DIAPH2: variants seen among roughly 807,000 people sequenced by gnomAD.
The protein encoded by DIAPH2 is diaphanous related formin 2.
Under a neutral mutation model 92.7 loss-of-function variants are expected in DIAPH2, and 35 were observed. That is an observed-to-expected ratio of 0.38 (90% CI 0.29 to 0.50). The LOEUF (loss-of-function observed/expected upper bound fraction) is 0.50, where lower values mean the gene tolerates loss of function less well. Among genes scored for constraint, DIAPH2 ranks in the 20% least tolerant of loss-of-function variants. The pLI, the probability that DIAPH2 is intolerant of heterozygous loss-of-function variation, is 0.94. For missense variants in DIAPH2, 701 were observed against 819.5 expected, an observed-to-expected ratio of 0.86 and a Z score of 1.77; for synonymous variants, 301 against 280.4, an observed-to-expected ratio of 1.07 and a Z score of -0.73.
intron 24 of DIAPH2, among the ~76,000 whole-genome samples, chrX:97,375,667 A>G (rs1306742502): frequency 8.9e-6 from 1 of 111,949 alleles, no homozygotes; most frequent in Non-Finnish European, 1.9e-5. Context: ...GGACAGGGAA[A>G]GGAAACTGCT....
intron 23 of DIAPH2, among the ~76,000 whole-genome samples, chrX:97,302,020 C>T (rs1276240146): frequency 9.5e-6 from 1 of 105,446 alleles, no homozygotes; most frequent in African/African-American, 3.5e-5. Context: ...CGAGAACATC[C>T]TGGTCAACAT....
At chrX:97,596,828 A>G (rs2071555187) in intron 26 of DIAPH2, among the ~76,000 whole-genome samples, 1 of 112,188 alleles carries the variant, frequency 8.9e-6, no homozygotes, top group African/African-American at 3.2e-5. Context: ...TCTCTGCTTA[A>G]AAAACATGAC....
In DIAPH2 at chrX:96,916,577, A is replaced by G; in HGVS notation, c.869+3A>G. ...TGCATTGTTGGAGAAGAGAACATGTAAGTATTGCTATATTATTATATTTGC... is the reference window on the plus strand; with the variant it reads ...TGCATTGTTGGAGAAGAGAACATGTGAGTATTGCTATATTATTATATTTGC... On this transcript the variant is annotated splice_donor_region_variant and intron_variant, in intron 8 of 26. Transcript: ENST00000324765. 8.4e-7 allele frequency: 1 copy of G among 1,193,489 alleles called. No homozygotes were observed. Among genetic ancestry groups the G allele is most frequent in the Middle Eastern group, 2.3e-4 (1 of 4,270 alleles).
At chrX:97,286,736 AACTCTGAGACTACAGAG>A (rs1340837968) in intron 23 of DIAPH2, among the ~76,000 whole-genome samples, 1 of 110,616 alleles carries the variant, frequency 9.0e-6, no homozygotes, top group Non-Finnish European at 1.9e-5. Context: ...TGCCCTGAAA[AACTCTGAGACTACAGAG>A]ATCGAATCCT....
At chrX:97,279,409 T>G (rs1025976761) in intron 23 of DIAPH2, among the ~76,000 whole-genome samples, 2 of 107,079 alleles carry the variant, frequency 1.9e-5, no homozygotes, top group African/African-American at 6.8e-5. Context: ...AGTGGGGCGA[T>G]TCTTCTGCCT....
At chrX:97,347,085 CTT>C (rs763682802) in intron 23 of DIAPH2, among the ~76,000 whole-genome samples, 12 of 91,244 alleles carry the variant, frequency 1.3e-4, no homozygotes, top group Admixed American at 3.7e-4. Context: ...ACTATAACCT[CTT>C]TTTTTTTTTT....
intron 26 of DIAPH2, 41 bp from the exon 27 acceptor site, chrX:97,599,212 A>AACTT: frequency 1.9e-6 from 2 of 1,059,162 alleles, no homozygotes; most frequent in Non-Finnish European, 2.6e-6. Flanking sequence ...AAAGATCTAA[A>AACTT]ACTTACCATG....
At chrX:97,018,984 G>A (rs1470709079) in intron 17 of DIAPH2, among the ~76,000 whole-genome samples, 1 of 111,264 alleles carries the variant, frequency 9.0e-6, no homozygotes, top group Non-Finnish European at 1.9e-5. Flanking sequence ...AAATCTTTCC[G>A]GATTCTTTCA....
chrX:97,280,666 A>G (rs192017109), intron 23 of DIAPH2, among the ~76,000 whole-genome samples: 1 of 111,162 alleles, frequency 9.0e-6, no homozygotes, highest in Non-Finnish European at 1.9e-5. Flanking sequence ...TAGATATTAC[A>G]CTGTTTCTCC....
At position 96,773,325 on chromosome X, in the gene DIAPH2, TGTTAA is replaced by T. The variant is rs2064353307; in HGVS notation, c.447+15073_447+15077del. Among the ~76,000 whole-genome samples, 4 of 92,019 alleles carry T rather than the reference TGTTAA, an allele frequency of 4.3e-5. No homozygotes were observed. The Admixed American group carries it at 5.8e-4, about 13-fold the overall frequency. 79.9% of individuals were successfully genotyped at this position (92,019 alleles called of 115,157 possible). ...GTGTTTAGAGATAGGGCTTTTAAAG[TGTTAA>T]GTTAAAAAAAAAAAGATGCCTTTAG... is the stretch of plus-strand genomic sequence containing the variant. On this transcript the variant is annotated intron_variant, in intron 4 of 26. Coordinates refer to ENST00000324765, the MANE Select transcript of DIAPH2 (RefSeq NM_006729.5).
chrX:96,958,028 A>C lies in DIAPH2; in HGVS notation c.1815A>C (p.Pro605=). The change falls in exon 16 of 27, where the codon CCA becomes CCC. Residue 605 remains proline (P), a synonymous_variant. Transcript: ENST00000324765. ...PPPLLFGGPP[P]PPPLGGVPPP... is the part of the protein sequence containing the mutation. ...CACTTTTATTTGGGGGACCTCCTCC[A>C]CCACCACCCCTTGGAGGAGTTCCTC... The C allele has an allele frequency of 1.7e-6, 2 of 1,211,315 alleles. No homozygotes were observed. Among genetic ancestry groups the C allele is most frequent in the Non-Finnish European group, 2.2e-6 (2 of 895,302 alleles).
intron 15 of DIAPH2, among the ~76,000 whole-genome samples, chrX:96,954,808 A>G (rs2065799808): frequency 8.9e-6 from 1 of 112,300 alleles, no homozygotes. Flanking sequence ...TTACTATGGA[A>G]ATGGATGCTA....
chrX:96,990,362 T>A (rs998529445), intron 17 of DIAPH2, among the ~76,000 whole-genome samples: 15 of 111,898 alleles, frequency 1.3e-4, no homozygotes, highest in African/African-American at 4.9e-4. Flanking sequence ...GTTCTACTTG[T>A]CAAGCTGTGT....
In DIAPH2 at chrX:97,221,517, T is replaced by C. The variant is rs1236763784; in HGVS notation, c.2720-26198T>C. Among the ~76,000 whole-genome samples the C allele has an allele frequency of 5.4e-5, 6 of 112,033 alleles. No individual in the cohort carries two copies. The Admixed American group carries it at 5.7e-4, about 11-fold the overall frequency. On this transcript the variant is annotated intron_variant, in intron 22 of 26. Coordinates refer to ENST00000324765, the MANE Select transcript of DIAPH2 (RefSeq NM_006729.5). ...TGCAGCTAAATAAGATTATATATAA[T>C]TTTCCAAATCTTCGGAGAGTCCAGC...
chrX:97,537,450 G>A (rs138457296), intron 26 of DIAPH2, among the ~76,000 whole-genome samples: 144 of 111,921 alleles, frequency 1.3e-3, no homozygotes, highest in African/African-American at 4.2e-3. Context: ...AAGTAGATAC[G>A]TTCACTTAAT....
rs773425345 is a variant in DIAPH2 at position 97,351,837 on chromosome X, G to A, written c.3009+3557G>A. On this transcript the variant is annotated intron_variant, in intron 24 of 26. Transcript: ENST00000324765. ...CAAAACAAAAAAAAGTGACATTAGG[G>A]CAGAGTCTTGAAAAATCCATAGGCG... Among the ~76,000 whole-genome samples, 40 of 110,682 alleles carry A rather than the reference G, an allele frequency of 3.6e-4. 1 individual carries two copies. Among genetic ancestry groups the A allele is most frequent in the Non-Finnish European group, 6.9e-4 (36 of 52,460 alleles).
chrX:97,346,115 T>C (rs1382128510), intron 23 of DIAPH2, among the ~76,000 whole-genome samples: 1 of 111,513 alleles, frequency 9.0e-6, no homozygotes, highest in Non-Finnish European at 1.9e-5. Flanking sequence ...GTAAAATTAG[T>C]TTCTGGAGAT....
chrX:97,191,046 G>A (rs1396415210), intron 22 of DIAPH2, among the ~76,000 whole-genome samples: 5 of 109,010 alleles, frequency 4.6e-5, no homozygotes, highest in East Asian at 2.9e-4. Flanking sequence ...AAATAAAAAC[G>A]GGCTGGGCGC....
rs3788861 is a variant in DIAPH2, at chrX:96,909,108, A to G, written c.588-3220A>G. 3.9e-3 allele frequency among the ~76,000 whole-genome samples: 435 copies of G among 111,810 alleles called. 10 individuals are homozygous for G. In the East Asian group the frequency reaches 0.1, roughly 26 times the overall value. The stretch of plus-strand genomic sequence containing the variant: ...AGAATTAGTTAAAACATACACTTCT[A>G]TCTTCCTCCCAGCTACTGATTCAGT... On this transcript the variant is annotated intron_variant, in intron 5 of 26. Coordinates refer to ENST00000324765, the MANE Select transcript of DIAPH2 (RefSeq NM_006729.5).
Sources: allele counts gnomAD v4.1 joint callset (sites outside exome capture counted in the v4.1 genomes callset), GRCh38; gene constraint gnomAD v4.1.1; transcripts MANE v1.5; gene names NCBI Gene and HGNC (gene_info 2026-07-23, HGNC 2026-07-21).